Variants in RBM19 observed in about 807,000 individuals in gnomAD.
RBM19 encodes the protein probable RNA-binding protein 19.
RBM19 carries 94 observed loss-of-function variants against 116.8 expected under a neutral mutation model. The ratio of observed to expected loss-of-function variants is 0.80; its 90% CI spans 0.68 to 0.95. RBM19 has a LOEUF of 0.95. Among genes scored for constraint, RBM19 ranks in the 40% least tolerant of loss-of-function variants. The pLI, the probability that RBM19 is intolerant of heterozygous loss-of-function variation, is 0.00. For synonymous variants in RBM19, 475 were observed against 494.1 expected, an observed-to-expected ratio of 0.96 and a Z score of 0.51; for missense variants, 1,161 against 1,220.7, an observed-to-expected ratio of 0.95 and a Z score of 0.73.
intron 21 of RBM19, among the ~76,000 whole-genome samples, chr12:113,860,200 G>A (rs1249838321): frequency 6.6e-6 from 1 of 152,226 alleles, no homozygotes; most frequent in African/African-American, 2.4e-5. Flanking sequence ...AACGTGGGGA[G>A]TGGAGCCCGG....
intron 1 of RBM19, 57 bp from the exon 2 acceptor site, chr12:113,962,471 C>T (rs1872591892): frequency 1.3e-6 from 2 of 1,535,556 alleles, no homozygotes; most frequent in African/African-American, 2.7e-5. Flanking sequence ...AGCAAGGGGA[C>T]AAAATGGGCT....
At chr12:113,909,137 T>G (rs1882265314) in intron 21 of RBM19, among the ~76,000 whole-genome samples, 1 of 152,026 alleles carries the variant, frequency 6.6e-6, no homozygotes, top group Admixed American at 6.5e-5. Flanking sequence ...ATTCTATTTT[T>G]TTAGAGAGAA....
At chr12:113,896,658 G>C (rs927577216) in intron 21 of RBM19, among the ~76,000 whole-genome samples, 2 of 152,182 alleles carry the variant, frequency 1.3e-5, no homozygotes, top group Non-Finnish European at 1.5e-5. Context: ...AGAGAACAGA[G>C]GTGAGGAGAG....
intron 22 of RBM19, among the ~76,000 whole-genome samples, chr12:113,854,031 G>T (rs545247995): frequency 3.3e-5 from 5 of 152,196 alleles, no homozygotes; most frequent in Admixed American, 3.3e-4. Context: ...GAGATACACA[G>T]AATTTAAGTG....
chr12:113,957,257 T>G (rs1872023315), intron 6 of RBM19, among the ~76,000 whole-genome samples: 1 of 152,194 alleles, frequency 6.6e-6, no homozygotes, highest in African/African-American at 2.4e-5. Flanking sequence ...GGAAGGCAGG[T>G]GACCTCTCCA....
At chr12:113,932,937 G>A (rs1320719546) in intron 16 of RBM19, among the ~76,000 whole-genome samples, 1 of 152,060 alleles carries the variant, frequency 6.6e-6, no homozygotes, top group African/African-American at 2.4e-5. Context: ...GTCACGCATC[G>A]CCACATGGGG....
At chr12:113,823,360 G>C (rs1179490570) in intron 23 of RBM19, 39 bp from the exon 24 acceptor site, 1 of 1,576,070 alleles carries the variant, frequency 6.3e-7, no homozygotes, top group Non-Finnish European at 8.7e-7. Context: ...GAAAAGAACA[G>C]CCGAGAGGGT....
Position 113,942,377 on chromosome 12 carries a change from C to T in RBM19, c.1684G>A (p.Glu562Lys), listed in dbSNP as rs1428185567. The change falls in exon 14 of 24, where the codon GAA (glutamate) becomes AAA (lysine). Residue 562 changes from glutamate (E) to lysine (K), a missense_variant. Glu to Lys is a moderately conservative substitution (Grantham distance 56). Coordinates refer to ENST00000261741, the MANE Select transcript of RBM19 (RefSeq NM_016196.4). ...TTGTCTATGAGAAAACGCCGCACTT[C>T]CTGGACGAGCTGGGTTTCCCCCAGA... ...VALGETQLVQ[E>K]VRRFLIDNGV... The T allele has an allele frequency of 6.2e-7, 1 of 1,609,546 alleles. No homozygotes were observed. Among genetic ancestry groups the T allele is most frequent in the Non-Finnish European group, 8.5e-7 (1 of 1,179,952 alleles).
At chr12:113,893,559 T>C (rs1881103254) in intron 21 of RBM19, among the ~76,000 whole-genome samples, 1 of 152,244 alleles carries the variant, frequency 6.6e-6, no homozygotes, top group Non-Finnish European at 1.5e-5. Flanking sequence ...GTCTCACTGC[T>C]GAACACTGGT....
At chr12:113,819,068 G>C (rs1287949263), downstream of RBM19, among the ~76,000 whole-genome samples, 2 of 152,212 alleles carry the variant, frequency 1.3e-5, no homozygotes, top group South Asian at 2.1e-4. Context: ...CTGAACACAA[G>C]CCTCTTGATA....
At chr12:113,884,298 TACACACAC>T (rs56150788) in intron 21 of RBM19, among the ~76,000 whole-genome samples, 54 of 137,334 alleles carry the variant, frequency 3.9e-4, no homozygotes, top group East Asian at 3.2e-3. Flanking sequence ...AAAAAAAGTA[TACACACAC>T]ACACACACAC....
intron 21 of RBM19, among the ~76,000 whole-genome samples, chr12:113,907,345 C>G (rs1284954938): frequency 6.6e-6 from 1 of 152,182 alleles, no homozygotes; most frequent in Non-Finnish European, 1.5e-5. Context: ...TCACAGCCAC[C>G]TTCCCAGTGC....
intron 23 of RBM19, among the ~76,000 whole-genome samples, chr12:113,830,604 G>A (rs1875330136): frequency 6.9e-6 from 1 of 145,910 alleles, no homozygotes; most frequent in Non-Finnish European, 1.5e-5. Flanking sequence ...CTATGCCTGG[G>A]GGCTTCTAGA....
In RBM19 at chr12:113,937,345, GGA is replaced by G. The variant is rs551274914; in HGVS notation, c.1939-211_1939-210del. ...CCCCCATGCTGCATCTCAGGGTGCAGGAGAGAGGCTTTAGTCTCTGTTGCCAC... is the reference window on the plus strand; with the variant it reads ...CCCCCATGCTGCATCTCAGGGTGCAGGAGAGGCTTTAGTCTCTGTTGCCAC... On this transcript the variant is annotated intron_variant, in intron 15 of 23. Transcript: ENST00000261741. The G allele has an allele frequency of 3.2e-4, 152 of 471,636 alleles. 4 individuals carry two copies. In the South Asian group the frequency reaches 5.4e-3, roughly 17 times the overall value. The allele number at this position is 471,636 out of a possible 1,614,324, so 29.2% of individuals were successfully genotyped here. A position where few individuals can be genotyped will look rare whatever the true frequency, so the allele number is the denominator to read the frequency against.
intron 16 of RBM19, chr12:113,927,469 A>C (rs1320014181): frequency 1.0e-5 from 5 of 498,318 alleles, no homozygotes; most frequent in Non-Finnish European, 1.8e-5. Context: ...TACAAAACAC[A>C]GCCCTCAAAT....
In RBM19 at chr12:113,934,805, C is replaced by T. The variant is rs761991738; in HGVS notation, c.2068+2202G>A. On this transcript the variant is annotated intron_variant, in intron 16 of 23. Coordinates refer to ENST00000261741, the MANE Select transcript of RBM19 (RefSeq NM_016196.4). ...GGCTGGGCTAACAACGAAAACCAAA[C>T]GTTCAAACCTAACTAAGCTTCTACT... 6.6e-4 allele frequency among the ~76,000 whole-genome samples: 100 copies of T among 152,092 alleles called. 1 individual carries two copies. Among genetic ancestry groups the T allele is most frequent in the Admixed American group, 6.5e-4 (10 of 15,276 alleles).
At position 113,918,372 on chromosome 12, in the gene RBM19, T is replaced by C. The variant is rs746525419; in HGVS notation, c.2441+20A>G. On this transcript the variant is annotated intron_variant, in intron 20 of 23. Coordinates refer to ENST00000261741, the MANE Select transcript of RBM19 (RefSeq NM_016196.4). ...AAGCCCCAGCTCGTAGGAAAGGAAA[T>C]GAGGACACTGAAGACTCACTTAGTG... The C allele has an allele frequency of 4.0e-5, 64 of 1,613,926 alleles. No individual in the cohort carries two copies. The highest frequency in any genetic ancestry group is 1.6e-4 in the Middle Eastern group (1 of 6,082).
chr12:113,821,662 A>C (rs190994883), downstream of RBM19, among the ~76,000 whole-genome samples: 13 of 152,208 alleles, frequency 8.5e-5, no homozygotes, highest in African/African-American at 3.1e-4. Context: ...CACACCTGTA[A>C]TTCCAGAGCT....
chr12:113,831,720 C>T (rs1053371341), intron 23 of RBM19, among the ~76,000 whole-genome samples: 1 of 152,214 alleles, frequency 6.6e-6, no homozygotes. Context: ...GAGCAAGTAC[C>T]TTCCCCACAC....
Sources: allele counts gnomAD v4.1 joint callset (sites outside exome capture counted in the v4.1 genomes callset), GRCh38; gene constraint gnomAD v4.1.1; transcripts MANE v1.5; gene names NCBI Gene and HGNC (gene_info 2026-07-23, HGNC 2026-07-21).